ATP11A: variants seen among roughly 807,000 people sequenced by gnomAD.
The protein encoded by ATP11A is ATPase phospholipid transporting 11A.
Under a neutral mutation model 154.4 loss-of-function variants are expected in ATP11A, and 81 were observed. The observed-to-expected ratio is 0.52, with a 90% CI of 0.44 to 0.63. The LOEUF is 0.63. Ranked by LOEUF, ATP11A falls within the 30% of genes least tolerant of loss-of-function variation. The pLI is 0.00. For synonymous variants in ATP11A, 623 were observed against 585.9 expected (o/e 1.06, Z -0.91); for missense variants, 1,316 against 1,474.3 (o/e 0.89, Z 1.76).
At chr13:112,736,050 T>C (rs1485347911) in intron 1 of ATP11A, among the ~76,000 whole-genome samples, 1 of 152,162 alleles carries the variant, frequency 6.6e-6, no homozygotes, top group African/African-American at 2.4e-5. Flanking sequence ...TGTGTTCGCG[T>C]GCCCAGAGCA....
At chr13:112,766,588 C>T (rs943297965) in intron 1 of ATP11A, among the ~76,000 whole-genome samples, 1 of 151,522 alleles carries the variant, frequency 6.6e-6, no homozygotes, top group Non-Finnish European at 1.5e-5. Flanking sequence ...GCAGGACCAC[C>T]GTCACATGCT....
intron 1 of ATP11A, among the ~76,000 whole-genome samples, chr13:112,728,260 C>G (rs1317344938): frequency 6.6e-6 from 1 of 152,068 alleles, no homozygotes; most frequent in South Asian, 2.1e-4. Context: ...TGCGGCCCAC[C>G]TCCCTGTGTT....
intron 2 of ATP11A, among the ~76,000 whole-genome samples, chr13:112,797,513 C>A (rs1158007317): frequency 6.6e-6 from 1 of 152,002 alleles, no homozygotes; most frequent in Admixed American, 6.6e-5. Context: ...CAGAAAAAAT[C>A]TTGAAAGAAG....
intron 2 of ATP11A, among the ~76,000 whole-genome samples, chr13:112,799,799 C>T (rs1284571050): frequency 2.0e-5 from 3 of 152,216 alleles, no homozygotes; most frequent in Non-Finnish European, 4.4e-5. Context: ...CCATAAAATA[C>T]ACCTTAGCAC....
Position 112,878,995 on chromosome 13 carries a change from C to A in ATP11A, c.*9+692C>A, listed in dbSNP as rs190765962. ...TTTGCTTTAAAAATGACGACCTTGG[C>A]CTTTCTGGGCAATGTAGAGGCGTTC... On this transcript the variant is annotated intron_variant, in intron 29 of 29. Coordinates refer to ENST00000375645, the MANE Select transcript of ATP11A (RefSeq NM_015205.3). Among the ~76,000 whole-genome samples, 139 of 152,356 alleles carry A rather than the reference C, an allele frequency of 9.1e-4. 2 individuals carry two copies. Among genetic ancestry groups the A allele is most frequent in the African/African-American group, 3.2e-3 (133 of 41,590 alleles).
chr13:112,735,498 C>G (rs888004541), intron 1 of ATP11A, among the ~76,000 whole-genome samples: 1 of 152,126 alleles, frequency 6.6e-6, no homozygotes, highest in African/African-American at 2.4e-5. Flanking sequence ...TTATAAATTC[C>G]AAGTCTTAAC....
chr13:112,755,625 A>G (rs1290060447), intron 1 of ATP11A, among the ~76,000 whole-genome samples: 1 of 152,228 alleles, frequency 6.6e-6, no homozygotes, highest in Non-Finnish European at 1.5e-5. Flanking sequence ...AGCGTCACTC[A>G]GAGCGGCTCC....
At chr13:112,809,612 G>T (rs1054142065) in intron 4 of ATP11A, among the ~76,000 whole-genome samples, 1 of 152,202 alleles carries the variant, frequency 6.6e-6, no homozygotes, top group Non-Finnish European at 1.5e-5. Flanking sequence ...GTGGTTGTGT[G>T]TTGTGTGTGG....
Position 112,875,736 on chromosome 13 carries a change from G to A in ATP11A, c.3162-40G>A, listed in dbSNP as rs1023021354. ...TGAGTAGAGAGGCCAGCCCCAGGGA[G>A]TACATGCCTCACCAGCGGCTTCTCT... On this transcript the variant is annotated intron_variant, in intron 27 of 29. Coordinates refer to ENST00000375645, the MANE Select transcript of ATP11A (RefSeq NM_015205.3). The surrounding 1 kb of genome is among the most constrained non-coding windows in gnomAD (Gnocchi z 4.1). The A allele has an allele frequency of 6.2e-7, 1 of 1,601,426 alleles. No homozygotes were observed. Among genetic ancestry groups the A allele is most frequent in the Non-Finnish European group, 8.5e-7 (1 of 1,171,652 alleles).
intron 2 of ATP11A, among the ~76,000 whole-genome samples, chr13:112,794,247 A>G (rs2077938221): frequency 6.6e-6 from 1 of 152,172 alleles, no homozygotes; most frequent in Admixed American, 6.5e-5. Flanking sequence ...GTTACATTAC[A>G]TTGTGTCCCC....
intron 17 of ATP11A, among the ~76,000 whole-genome samples, chr13:112,849,582 C>A (rs2079704158): frequency 6.6e-6 from 1 of 152,172 alleles, no homozygotes; most frequent in African/African-American, 2.4e-5. Context: ...TGTTTTATTG[C>A]CTCTTAGGAA....
chr13:112,796,914 A>G (rs2078014040), intron 2 of ATP11A, among the ~76,000 whole-genome samples: 1 of 152,076 alleles, frequency 6.6e-6, no homozygotes, highest in Admixed American at 6.6e-5. Context: ...TCCAAACTGA[A>G]GAGCAAAGAG....
chr13:112,771,897 G>T (rs982586066), intron 1 of ATP11A, among the ~76,000 whole-genome samples: 1 of 152,212 alleles, frequency 6.6e-6, no homozygotes, highest in African/African-American at 2.4e-5. Flanking sequence ...GAACCAGTCC[G>T]GTGGGGAGTG....
intron 13 of ATP11A, among the ~76,000 whole-genome samples, chr13:112,832,273 C>T (rs1425762222): frequency 6.6e-6 from 1 of 152,216 alleles, no homozygotes; most frequent in Non-Finnish European, 1.5e-5. Context: ...GGGATCAGGT[C>T]CCAGCCGGCT....
chr13:112,711,791 TAA>T (rs976287085), intron 1 of ATP11A, among the ~76,000 whole-genome samples: 1 of 152,140 alleles, frequency 6.6e-6, no homozygotes, highest in Non-Finnish European at 1.5e-5. Flanking sequence ...ATGTGTGGAG[TAA>T]GAGGCAGCTC....
chr13:112,757,729 A>T (rs74557124), intron 1 of ATP11A, among the ~76,000 whole-genome samples: 2,119 of 152,374 alleles, frequency 0.014, 44 homozygotes, highest in African/African-American at 0.04. Flanking sequence ...TTAAATTACA[A>T]AAACAATTAA....
In ATP11A at chr13:112,873,853, G is replaced by A. The variant is rs553230369; in HGVS notation, c.3161+177G>A. ...GGGATACAGTCGGGGGCAAGACACC[G>A]GGGGGTTCCTGCTCCGGTGACTTGC... is the stretch of plus-strand genomic sequence containing the variant. On this transcript the variant is annotated intron_variant, in intron 27 of 29. Coordinates refer to ENST00000375645, the MANE Select transcript of ATP11A (RefSeq NM_015205.3). 1.1e-4 allele frequency among the ~76,000 whole-genome samples: 17 copies of A among 152,196 alleles called. No individual in the cohort carries two copies. The East Asian group carries it at 2.1e-3, about 19-fold the overall frequency.
Position 112,690,468 on chromosome 13 carries a change from G to A in ATP11A, c.39+13G>A. 7.5e-7 allele frequency: 1 copy of A among 1,342,178 alleles called. No individual in the cohort carries two copies. Among genetic ancestry groups the A allele is most frequent in the Non-Finnish European group, 9.6e-7 (1 of 1,044,382 alleles). 83.1% of individuals were successfully genotyped at this position (1,342,178 alleles called of 1,614,324 possible). Reference sequence around the variant, plus strand: ...CGTGCACAGATACGTGAGTGCTCCCGGCGCGGGCTGGGGGACCCGGGGACC... The same window carrying A: ...CGTGCACAGATACGTGAGTGCTCCCAGCGCGGGCTGGGGGACCCGGGGACC... On this transcript the variant is annotated intron_variant, in intron 1 of 29. Transcript: ENST00000375645. The surrounding 1 kb of genome is among the most constrained non-coding windows in gnomAD (Gnocchi z 5.6).
intron 25 of ATP11A, among the ~76,000 whole-genome samples, chr13:112,870,281 G>T: frequency 6.6e-6 from 1 of 152,328 alleles, no homozygotes; most frequent in South Asian, 2.1e-4. Context: ...CTGACCATGT[G>T]GGAGGACTGT....
Sources: allele counts gnomAD v4.1 joint callset (sites outside exome capture counted in the v4.1 genomes callset), GRCh38; gene constraint gnomAD v4.1.1; non-coding constraint Gnocchi (gnomAD v3.1); transcripts MANE v1.5; gene names NCBI Gene and HGNC (gene_info 2026-07-23, HGNC 2026-07-21).